NELL1: variants seen among roughly 807,000 people sequenced by gnomAD.
The protein encoded by NELL1 is neural EGFL like 1.
In NELL1, 76 loss-of-function variants were observed where a neutral mutation model predicts 107.4. That is an observed-to-expected ratio of 0.71 (90% CI 0.59 to 0.86). The LOEUF is 0.86. Ranked by LOEUF, NELL1 falls within the 40% of genes least tolerant of loss-of-function variation. The probability of loss-of-function intolerance (pLI) is 0.00; values close to 1 mark genes in which losing one functional copy is unlikely to be tolerated. For synonymous variants in NELL1, 353 were observed against 341.2 expected (o/e 1.03, Z -0.38); for missense variants, 1,024 against 1,005.5 (o/e 1.02, Z -0.25).
At chr11:20,705,801 A>T (rs1564871239) in intron 2 of NELL1, among the ~76,000 whole-genome samples, 9 of 151,572 alleles carry the variant, frequency 5.9e-5, no homozygotes, top group Non-Finnish European at 1.2e-4. Context: ...TCTACAATGA[A>T]CGCCAACAAA....
At chr11:20,829,251 G>T (rs1857952472) in intron 3 of NELL1, among the ~76,000 whole-genome samples, 1 of 141,602 alleles carries the variant, frequency 7.1e-6, no homozygotes, top group African/African-American at 2.7e-5. Context: ...TTTTGAGACG[G>T]AGTCTTGTTC....
At position 20,805,804 on chromosome 11, in the gene NELL1, C is replaced by T. The variant is rs1278926168; in HGVS notation, c.335+21974C>T. Among the ~76,000 whole-genome samples, 7 of 152,302 alleles carry T rather than the reference C, an allele frequency of 4.6e-5. 1 individual carries two copies. The highest frequency in any genetic ancestry group is 9.6e-5 in the African/African-American group (4 of 41,564). ...GGCGTGAGCCACCGTGCCTGGCCAA[C>T]GCATTATTTTAAGCTGATCACAACT... On this transcript the variant is annotated intron_variant, in intron 3 of 19. Coordinates refer to ENST00000357134, the MANE Select transcript of NELL1 (RefSeq NM_006157.5).
At chr11:21,268,153 G>T (rs1266912737) in intron 14 of NELL1, among the ~76,000 whole-genome samples, 1 of 152,140 alleles carries the variant, frequency 6.6e-6, no homozygotes, top group Non-Finnish European at 1.5e-5. Flanking sequence ...TGGGAACCAG[G>T]ACCAGGGTAG....
chr11:21,453,177 A>C, intron 15 of NELL1, among the ~76,000 whole-genome samples: 1 of 152,046 alleles, frequency 6.6e-6, no homozygotes, highest in South Asian at 2.1e-4. Context: ...TTTATTTTCT[A>C]CTTGCTCTAA....
intron 15 of NELL1, among the ~76,000 whole-genome samples, chr11:21,412,976 A>T (rs1195328884): frequency 6.6e-6 from 1 of 152,108 alleles, no homozygotes; most frequent in Non-Finnish European, 1.5e-5. Context: ...CTGGCCCCTG[A>T]TTATGGCACA....
intron 4 of NELL1, among the ~76,000 whole-genome samples, chr11:20,869,007 G>A (rs1158697095): frequency 6.6e-6 from 1 of 152,164 alleles, no homozygotes; most frequent in African/African-American, 2.4e-5. Flanking sequence ...CCAGTGAAGT[G>A]CTAGGAAGGT....
chr11:21,262,152 C>G (rs1848546047), intron 14 of NELL1, among the ~76,000 whole-genome samples: 1 of 151,850 alleles, frequency 6.6e-6, no homozygotes, highest in Admixed American at 6.6e-5. Context: ...CATAATTAAT[C>G]CTCAAACTCC....
intron 1 of NELL1, among the ~76,000 whole-genome samples, chr11:20,672,620 C>T (rs1853941673): frequency 6.6e-6 from 1 of 152,166 alleles, no homozygotes; most frequent in South Asian, 2.1e-4. Flanking sequence ...AGGTACATCA[C>T]TAATAATGAA....
intron 4 of NELL1, among the ~76,000 whole-genome samples, chr11:20,850,626 G>A (rs1848778435): frequency 6.6e-6 from 1 of 152,120 alleles, no homozygotes; most frequent in African/African-American, 2.4e-5. Flanking sequence ...CAATAGTGGG[G>A]ACCATTGACA....
intron 15 of NELL1, among the ~76,000 whole-genome samples, chr11:21,489,470 A>C (rs1854742863): frequency 6.6e-6 from 1 of 150,888 alleles, no homozygotes; most frequent in South Asian, 2.1e-4. Flanking sequence ...TGATATCAAA[A>C]CCAGACAAGG....
chr11:21,429,798 T>A (rs1048342315), intron 15 of NELL1, among the ~76,000 whole-genome samples: 5 of 152,156 alleles, frequency 3.3e-5, no homozygotes, highest in Middle Eastern at 3.2e-3. Context: ...CTCTTTGAGA[T>A]GTGGGTTCAC....
rs148744464 is a variant in NELL1, at chr11:21,025,622, C to G, written c.1300+65062C>G. On this transcript the variant is annotated intron_variant, in intron 12 of 19. Coordinates refer to ENST00000357134, the MANE Select transcript of NELL1 (RefSeq NM_006157.5). Reference sequence around the variant, plus strand: ...CTAAACATTAAAATGTCCCAGGACTCTCTTCATGGACTTTTCTTTCTGTTT... The same window carrying G: ...CTAAACATTAAAATGTCCCAGGACTGTCTTCATGGACTTTTCTTTCTGTTT... 8.5e-3 allele frequency among the ~76,000 whole-genome samples: 1,293 copies of G among 152,096 alleles called. 12 individuals are homozygous for G. The highest frequency in any genetic ancestry group is 0.017 in the Middle Eastern group (5 of 294).
chr11:20,674,509 G>T, intron 1 of NELL1: 1 of 1,536,098 alleles, frequency 6.5e-7, no homozygotes. Flanking sequence ...GAAGCCACCC[G>T]TGTTATCGCT....
At chr11:21,164,045 C>G (rs749314112) in intron 13 of NELL1, among the ~76,000 whole-genome samples, 1 of 152,108 alleles carries the variant, frequency 6.6e-6, no homozygotes, top group Non-Finnish European at 1.5e-5. Context: ...AGAGAGAAGG[C>G]AGCAGTGTGC....
At chr11:21,005,657 A>G (rs1333085274) in intron 12 of NELL1, among the ~76,000 whole-genome samples, 2 of 152,202 alleles carry the variant, frequency 1.3e-5, no homozygotes, top group African/African-American at 2.4e-5. Context: ...TGAGGTTAAA[A>G]GCTTTCTGAT....
intron 4 of NELL1, among the ~76,000 whole-genome samples, chr11:20,853,366 T>C (rs1156714548): frequency 6.6e-6 from 1 of 152,252 alleles, no homozygotes; most frequent in Non-Finnish European, 1.5e-5. Context: ...TTTTGCCATT[T>C]ATAAAATGTG....
chr11:21,233,866 TTCTTG>T (rs1156240884), intron 14 of NELL1, among the ~76,000 whole-genome samples: 5 of 152,228 alleles, frequency 3.3e-5, no homozygotes, highest in Non-Finnish European at 7.3e-5. Context: ...TTTGAAAGCA[TTCTTG>T]TCTTAATGAC....
intron 3 of NELL1, among the ~76,000 whole-genome samples, chr11:20,817,720 G>A (rs1165841863): frequency 6.6e-6 from 1 of 151,154 alleles, no homozygotes; most frequent in Admixed American, 6.6e-5. Context: ...TCCTCTAGCT[G>A]TTATGTTAAT....
chr11:21,447,343 G>T (rs930970584), intron 15 of NELL1, among the ~76,000 whole-genome samples: 5 of 151,990 alleles, frequency 3.3e-5, no homozygotes, highest in African/African-American at 1.2e-4. Flanking sequence ...AGCAGAAAGG[G>T]TTTCTCTCTG....
Sources: gnomAD v4.1 joint callset for allele counts (sites outside exome capture counted in the v4.1 genomes callset) on GRCh38, gnomAD v4.1.1 for gene constraint, MANE v1.5 for transcripts, NCBI Gene and HGNC (gene_info 2026-07-23, HGNC 2026-07-21) for gene names.